Variants in ITSN2 observed in about 807,000 individuals in gnomAD.
The protein encoded by ITSN2 is intersectin 2.
In ITSN2, 156 loss-of-function variants were observed where a neutral mutation model predicts 243.7. The ratio of observed to expected loss-of-function variants is 0.64; its 90% CI spans 0.56 to 0.73. The LOEUF is 0.73. Ranked by LOEUF, ITSN2 falls within the 30% of genes least tolerant of loss-of-function variation. The pLI, the probability that ITSN2 is intolerant of heterozygous loss-of-function variation, is 0.00. For missense variants in ITSN2, 1,801 were observed against 1,996.1 expected (o/e 0.90, Z 1.86); for synonymous variants, 703 against 699.9 (o/e 1.00, Z -0.07).
rs1037597959 is a variant in ITSN2 at position 24,247,385 on chromosome 2, G to A, written c.3289-492C>T. On this transcript the variant is annotated intron_variant, in intron 27 of 39. Transcript: ENST00000355123. Reference sequence around the variant, plus strand: ...GGAACTCTACTGCACTCTGCCCCATGTGTCTCTTCCCTTGGCTGACTTTAA... The same window carrying A: ...GGAACTCTACTGCACTCTGCCCCATATGTCTCTTCCCTTGGCTGACTTTAA... 2.6e-5 allele frequency among the ~76,000 whole-genome samples: 4 copies of A among 152,178 alleles called. No individual in the cohort carries two copies. The East Asian group carries it at 7.7e-4, about 29-fold the overall frequency.
Position 24,226,702 on chromosome 2 carries a change from C to G in ITSN2, c.3578-5636G>C, listed in dbSNP as rs113084603. On this transcript the variant is annotated intron_variant, in intron 29 of 39. Coordinates refer to ENST00000355123, the MANE Select transcript of ITSN2 (RefSeq NM_006277.3). ...TTTTCTCTGTGTTGTGTGTTATGTG[C>G]AGCCAGTCTAATTGCTGTTCATGTG... Among the ~76,000 whole-genome samples the G allele has an allele frequency of 7.6e-4, 116 of 152,154 alleles. 2 individuals carry two copies. The highest frequency in any genetic ancestry group is 1.6e-4 in the Non-Finnish European group (11 of 68,032).
chr2:24,336,864 T>C (rs1686440705), intron 1 of ITSN2, among the ~76,000 whole-genome samples: 1 of 152,116 alleles, frequency 6.6e-6, no homozygotes, highest in African/African-American at 2.4e-5. Flanking sequence ...CGATAAACAT[T>C]TGCTGAACAA....
chr2:24,229,691 T>G (rs2151194685), intron 29 of ITSN2, among the ~76,000 whole-genome samples: 1 of 152,268 alleles, frequency 6.6e-6, no homozygotes, highest in African/African-American at 2.4e-5. Context: ...AATTATACAT[T>G]TAACATTATT....
chr2:24,328,873 T>C (rs1452032223), intron 1 of ITSN2, among the ~76,000 whole-genome samples: 2 of 152,142 alleles, frequency 1.3e-5, no homozygotes, highest in Non-Finnish European at 2.9e-5. Flanking sequence ...AAGTAATTAT[T>C]AAAACACACA....
At chr2:24,305,048 T>C (rs2151696478) in intron 8 of ITSN2, among the ~76,000 whole-genome samples, 1 of 152,226 alleles carries the variant, frequency 6.6e-6, no homozygotes, top group East Asian at 1.9e-4. Flanking sequence ...TTCTCTCTTA[T>C]ATCCTTGGAG....
chr2:24,228,830 G>A (rs1671294665), intron 29 of ITSN2, among the ~76,000 whole-genome samples: 1 of 152,156 alleles, frequency 6.6e-6, no homozygotes, highest in African/African-American at 2.4e-5. Context: ...TTTAATCAAT[G>A]TAAATGGCTT....
Position 24,220,984 on chromosome 2 carries a change from G to A in ITSN2, c.3660C>T (p.Thr1220=), listed in dbSNP as rs571775051. The A allele has an allele frequency of 1.6e-5, 26 of 1,608,458 alleles. No individual in the cohort carries two copies. The South Asian group carries it at 2.2e-4, about 14-fold the overall frequency. ...GAAGGTCAGCCATGTACCGCTCTTC[G>A]GTCTGAATCAGCTCATGAATATAGC... is the stretch of plus-strand genomic sequence containing the variant. The part of the protein sequence containing the change: ...RQGYIHELIQ[T]EERYMADLQL... Residue 1220 remains threonine (T), a synonymous_variant, in exon 30 of 40, where the codon ACC becomes ACT. Coordinates refer to ENST00000355123, the MANE Select transcript of ITSN2 (RefSeq NM_006277.3).
In ITSN2 at chr2:24,211,067, G is replaced by T. The variant is rs529430851; in HGVS notation, c.4090-120C>A. ...GACTGCTTCCATGCCCTGGAAACGC[G>T]GCGGTGAACAAGACGACACTTTCCG... On this transcript the variant is annotated intron_variant, in intron 33 of 39. Coordinates refer to ENST00000355123, the MANE Select transcript of ITSN2 (RefSeq NM_006277.3). The surrounding 1 kb of genome is among the most constrained non-coding windows in gnomAD (Gnocchi z 4.1). 5.0e-5 allele frequency: 45 copies of T among 907,316 alleles called. No homozygotes were observed. Among genetic ancestry groups the T allele is most frequent in the Non-Finnish European group, 4.2e-5 (25 of 595,812 alleles). 56.2% of individuals were successfully genotyped at this position (907,316 alleles called of 1,614,324 possible). A position where few individuals can be genotyped will look rare whatever the true frequency, so the allele number is the denominator to read the frequency against.
chr2:24,310,707 A>G lies in ITSN2; in HGVS notation c.353-15T>C, dbSNP rs1465107876. On this transcript the variant is annotated splice_polypyrimidine_tract_variant and intron_variant, in intron 5 of 39. Transcript: ENST00000355123. ...GCTTCCCATTCCTAAAGTCAAAAGA[A>G]AACATTTTTTCCAGTGCTAGAAAAT... 1 of 1,610,672 alleles carries G rather than the reference A, an allele frequency of 6.2e-7. No individual in the cohort carries two copies. The highest frequency in any genetic ancestry group is 1.7e-5 in the Admixed American group (1 of 59,804).
At chr2:24,338,051 C>T (rs897950241) in intron 1 of ITSN2, among the ~76,000 whole-genome samples, 3 of 152,214 alleles carry the variant, frequency 2.0e-5, no homozygotes. Context: ...TGGTTCAGGC[C>T]GTGATGGGAA....
intron 1 of ITSN2, chr2:24,330,770 AC>A (rs2151853906): frequency 2.2e-6 from 1 of 463,242 alleles, no homozygotes; most frequent in African/African-American, 2.0e-5. Context: ...ATTTCATTTT[AC>A]TTTTTTTTTT....
At chr2:24,275,109 T>C (rs1278505031) in intron 18 of ITSN2, among the ~76,000 whole-genome samples, 1 of 152,246 alleles carries the variant, frequency 6.6e-6, no homozygotes, top group Non-Finnish European at 1.5e-5. Flanking sequence ...TACAATTAAG[T>C]ATTCTGCTTT....
At chr2:24,245,998 C>T in intron 29 of ITSN2, 131 bp downstream of exon 29, 1 of 559,262 alleles carries the variant, frequency 1.8e-6, no homozygotes, top group Non-Finnish European at 3.0e-6. Flanking sequence ...TTTGTTTCTT[C>T]TCACTTTAAA....
At chr2:24,285,593 G>A (rs1377318473) in intron 16 of ITSN2, among the ~76,000 whole-genome samples, 1 of 152,108 alleles carries the variant, frequency 6.6e-6, no homozygotes, top group Non-Finnish European at 1.5e-5. Context: ...CATGAGCCTG[G>A]GTTTTTAGTT....
chr2:24,261,768 C>G (rs762822878), intron 20 of ITSN2, 26 bp from the exon 21 acceptor site: 1 of 1,550,650 alleles, frequency 6.4e-7, no homozygotes, highest in Non-Finnish European at 8.8e-7. Flanking sequence ...GAAGGATTAA[C>G]AGTGCTTAGA....
At chr2:24,275,142 A>AG (rs1413758300) in intron 18 of ITSN2, among the ~76,000 whole-genome samples, 1 of 152,254 alleles carries the variant, frequency 6.6e-6, no homozygotes, top group Non-Finnish European at 1.5e-5. Flanking sequence ...GGAAACTAAT[A>AG]GATTTACCAA....
chr2:24,278,805 C>T (rs1678379700), intron 17 of ITSN2, among the ~76,000 whole-genome samples: 1 of 152,070 alleles, frequency 6.6e-6, no homozygotes, highest in Non-Finnish European at 1.5e-5. Flanking sequence ...GCTCATGCCA[C>T]CACGCCCGGC....
chr2:24,232,345 A>C (rs1275704288), intron 29 of ITSN2, among the ~76,000 whole-genome samples: 3 of 152,202 alleles, frequency 2.0e-5, no homozygotes, highest in African/African-American at 7.2e-5. Flanking sequence ...GATAAAGACA[A>C]ATTTTATTGG....
At chr2:24,360,155 C>T (rs1285736864) in intron 1 of ITSN2, 149 bp downstream of exon 1, 1 of 152,202 alleles carries the variant, frequency 6.6e-6, no homozygotes, top group African/African-American at 2.4e-5. Context: ...AGGGGCCTAG[C>T]TCGGGGGCCG....
Sources: allele counts gnomAD v4.1 joint callset (sites outside exome capture counted in the v4.1 genomes callset), GRCh38; gene constraint gnomAD v4.1.1; non-coding constraint Gnocchi (gnomAD v3.1); transcripts MANE v1.5; gene names NCBI Gene and HGNC (gene_info 2026-07-23, HGNC 2026-07-21).